Variants in TERT observed in about 807,000 individuals in gnomAD.
TERT encodes the protein telomerase reverse transcriptase.
In TERT, 42 loss-of-function variants were observed where a neutral mutation model predicts 104.0. That is an observed-to-expected ratio of 0.40 (90% CI 0.32 to 0.52). TERT has a LOEUF of 0.52. Among genes scored for constraint, TERT ranks in the 20% least tolerant of loss-of-function variants. The pLI is 0.43. For missense variants in TERT, 1,101 were observed against 1,610.3 expected (o/e 0.68, Z 5.41); for synonymous variants, 781 against 725.6 (o/e 1.08, Z -1.23).
Position 1,255,475 on chromosome 5 carries a change from G to A in TERT, c.3033-64C>T. The A allele has an allele frequency of 6.2e-7, 1 of 1,609,952 alleles. No individual in the cohort carries two copies. Among genetic ancestry groups the A allele is most frequent in the Non-Finnish European group, 8.5e-7 (1 of 1,177,768 alleles). Reference sequence around the variant, plus strand: ...TAATCAGACGGTGCTCGTGGGTGTGGGCATGGGCCCACCGGTGCCTGTGTG... The same window carrying A: ...TAATCAGACGGTGCTCGTGGGTGTGAGCATGGGCCCACCGGTGCCTGTGTG... On this transcript the variant is annotated intron_variant, in intron 13 of 15. Coordinates refer to ENST00000310581, the MANE Select transcript of TERT (RefSeq NM_198253.3). The surrounding 1 kb of genome is among the most constrained non-coding windows in gnomAD (Gnocchi z 6.9).
chr5:1,261,304 A>G lies in TERT; in HGVS notation c.2844-704T>C, dbSNP rs1748209731. 6.6e-6 allele frequency among the ~76,000 whole-genome samples: 1 copy of G among 152,232 alleles called. No homozygotes were observed. The highest frequency in any genetic ancestry group is 2.1e-4 in the South Asian group (1 of 4,836). On this transcript the variant is annotated intron_variant, in intron 11 of 15. Transcript: ENST00000310581. This position sits in a 1 kb window ranked among gnomAD's most constrained non-coding sequence, Gnocchi z 7.4. The stretch of plus-strand genomic sequence containing the variant: ...AACATTCTTCAAAAATTCTTTGAAA[A>G]ATGTTTAATGGCAGAGCAAGTTTTG...
rs990798398 is a variant in TERT, at chr5:1,257,037, G to A, written c.3032+1561C>T. Among the ~76,000 whole-genome samples the A allele has an allele frequency of 6.6e-6, 1 of 152,174 alleles. No individual in the cohort carries two copies. Among genetic ancestry groups the A allele is most frequent in the Non-Finnish European group, 1.5e-5 (1 of 68,026 alleles). On this transcript the variant is annotated intron_variant, in intron 13 of 15. Coordinates refer to ENST00000310581, the MANE Select transcript of TERT (RefSeq NM_198253.3). The surrounding 1 kb of genome is among the most constrained non-coding windows in gnomAD (Gnocchi z 5.6). Reference sequence around the variant, plus strand: ...CCGTTCTCCCACTCCTGCCTCGAGGGAAGGGGATTCCTGGGCCTTCCACGT... The same window carrying A: ...CCGTTCTCCCACTCCTGCCTCGAGGAAAGGGGATTCCTGGGCCTTCCACGT...
Position 1,293,524 on chromosome 5 carries a change from C to A in TERT, c.1362G>T (p.Gln454His). Reference protein sequence around the residue: ...DPRRLVQLLRQHSSPWQVYGF... With the variant: ...DPRRLVQLLRHHSSPWQVYGF... ...CGTACACCTGCCAGGGGCTGCTGTGCTGGCGGAGCAGCTGCACCAGGCGAC... is the reference window on the plus strand; with the variant it reads ...CGTACACCTGCCAGGGGCTGCTGTGATGGCGGAGCAGCTGCACCAGGCGAC... Residue 454 changes from glutamine (Q) to histidine (H), a missense_variant, in exon 2 of 16, where the codon CAG (glutamine) becomes CAT (histidine). Coordinates refer to ENST00000310581, the MANE Select transcript of TERT (RefSeq NM_198253.3). 1 of 1,562,510 alleles carries A rather than the reference C, an allele frequency of 6.4e-7. No individual in the cohort carries two copies. Among genetic ancestry groups the A allele is most frequent in the Admixed American group, 1.9e-5 (1 of 52,312 alleles).
At chr5:1,266,800 C>G (rs1748638045) in intron 9 of TERT, among the ~76,000 whole-genome samples, 1 of 152,220 alleles carries the variant, frequency 6.6e-6, no homozygotes, top group Non-Finnish European at 1.5e-5. Context: ...CGAAGGCCAT[C>G]AGGCGCGGCC....
intron 15 of TERT, 23 bp from the exon 16 acceptor site, chr5:1,253,854 C>T (rs756540614): frequency 8.8e-6 from 14 of 1,596,880 alleles, no homozygotes; most frequent in Middle Eastern, 1.7e-4. Context: ...AATCAGACTC[C>T]GTTCCAGAAG....
Position 1,278,829 on chromosome 5 carries a change from G to A in TERT, c.2131-33C>T, listed in dbSNP as rs376728112. The stretch of plus-strand genomic sequence containing the variant: ...AGTGGAGGCGAGGAGACTGACAGTG[G>A]CCACGCAGAAACTCAGACATCACCT... On this transcript the variant is annotated intron_variant, in intron 5 of 15. Transcript: ENST00000310581. The A allele has an allele frequency of 4.2e-5, 67 of 1,613,324 alleles. No individual in the cohort carries two copies. In the African/African-American group the frequency reaches 7.9e-4, roughly 19 times the overall value.
Position 1,268,493 on chromosome 5 carries a change from GC to G in TERT, c.2582+26del, listed in dbSNP as rs991990236. ...CAAAAGCAAATCAACCCCCACCCAA[GC>G]CCCCCTGGGGAAGAGGAGGCCTCAC... On this transcript the variant is annotated intron_variant, in intron 9 of 15. Coordinates refer to ENST00000310581, the MANE Select transcript of TERT (RefSeq NM_198253.3). The surrounding 1 kb of genome is among the most constrained non-coding windows in gnomAD (Gnocchi z 5.5). 6 of 1,577,944 alleles carry G rather than the reference GC, an allele frequency of 3.8e-6. No individual in the cohort carries two copies. Among genetic ancestry groups the G allele is most frequent in the African/African-American group, 1.3e-5 (1 of 74,206 alleles).
intron 6 of TERT, among the ~76,000 whole-genome samples, chr5:1,275,891 C>G (rs62332564): frequency 8.1e-6 from 1 of 123,908 alleles, no homozygotes; most frequent in Admixed American, 7.8e-5. Context: ...AGATCCCCAC[C>G]TACCCCACAC....
intron 7 of TERT, 143 bp downstream of exon 7, chr5:1,272,042 C>T (rs1316626931): frequency 1.3e-6 from 1 of 775,034 alleles, no homozygotes; most frequent in Non-Finnish European, 2.2e-6. Flanking sequence ...CCAAGGCACA[C>T]AGCTCATCAT....
At position 1,267,951 on chromosome 5, in the gene TERT, C is replaced by T. The variant is rs190110587; in HGVS notation, c.2582+569G>A. 6.5e-3 allele frequency among the ~76,000 whole-genome samples: 994 copies of T among 151,788 alleles called. 5 individuals are homozygous for T. Among genetic ancestry groups the T allele is most frequent in the Admixed American group, 0.01 (158 of 15,252 alleles). On this transcript the variant is annotated intron_variant, in intron 9 of 15. Transcript: ENST00000310581. ...ATACATATGTAACTAACCTGCACGTCGTGCACATGTACCCTAGAACTTAAA... is the reference window on the plus strand; with the variant it reads ...ATACATATGTAACTAACCTGCACGTTGTGCACATGTACCCTAGAACTTAAA...
chr5:1,287,317 C>T lies in TERT; in HGVS notation c.1574-4693G>A, dbSNP rs776714501. ...GAGTTTGAGACCAGCCTGGGCAACA[C>T]AGCAAGACCCTGTCTCCAGAAAAAA... On this transcript the variant is annotated intron_variant, in intron 2 of 15. Coordinates refer to ENST00000310581, the MANE Select transcript of TERT (RefSeq NM_198253.3). The surrounding 1 kb of genome is among the most constrained non-coding windows in gnomAD (Gnocchi z 4.3). Among the ~76,000 whole-genome samples the T allele has an allele frequency of 6.6e-6, 1 of 151,976 alleles. No homozygotes were observed. The highest frequency in any genetic ancestry group is 1.5e-5 in the Non-Finnish European group (1 of 67,978).
chr5:1,266,477 T>C lies in TERT; in HGVS notation c.2641A>G (p.Lys881Glu). Residue 881 changes from lysine (K) to glutamate (E), a missense_variant, in exon 10 of 16, where the codon AAA becomes GAA. Around this residue, in one of 5 missense-constraint regions of TERT, gnomAD observed 463 missense variants for 797.5 expected, o/e 0.58. Transcript: ENST00000310581. ...LLVTPHLTHA[K>E]TFLRTLVRGV... is the part of the protein sequence containing the mutation. The stretch of plus-strand genomic sequence containing the variant: ...CACGGGCCTCACCTGAGGAAGGTTT[T>C]CGCGTGGGTGAGGTGAGGTGTCACC... 1 of 1,609,450 alleles carries C rather than the reference T, an allele frequency of 6.2e-7. No homozygotes were observed. The highest frequency in any genetic ancestry group is 1.3e-5 in the African/African-American group (1 of 75,006).
Position 1,265,604 on chromosome 5 carries a change from C to T in TERT, c.2654+860G>A, listed in dbSNP as rs985724662. On this transcript the variant is annotated intron_variant, in intron 10 of 15. Coordinates refer to ENST00000310581, the MANE Select transcript of TERT (RefSeq NM_198253.3). The surrounding 1 kb of genome is among the most constrained non-coding windows in gnomAD (Gnocchi z 6.9). Reference sequence around the variant, plus strand: ...GCACAGCCTGCTGTGCTCCGGGCTGCGGCACAAGGAACGCCAGGCATACCC... The same window carrying T: ...GCACAGCCTGCTGTGCTCCGGGCTGTGGCACAAGGAACGCCAGGCATACCC... Among the ~76,000 whole-genome samples, 4 of 152,126 alleles carry T rather than the reference C, an allele frequency of 2.6e-5. No individual in the cohort carries two copies. Among genetic ancestry groups the T allele is most frequent in the South Asian group, 2.1e-4 (1 of 4,816 alleles).
At chr5:1,283,287 C>A (rs1335226761) in intron 2 of TERT, among the ~76,000 whole-genome samples, 11 of 131,726 alleles carry the variant, frequency 8.4e-5, no homozygotes, top group Non-Finnish European at 8.0e-5. Context: ...GGCCTGGCGA[C>A]CTCACGCCAG....
chr5:1,266,332 C>T (rs942609070), intron 10 of TERT, 132 bp downstream of exon 10: 61 of 905,748 alleles, frequency 6.7e-5, no homozygotes, highest in Non-Finnish European at 9.0e-5. Flanking sequence ...TCTGCTCTTG[C>T]GGATCCAGCA....
At chr5:1,258,802 G>A (rs966548088) in intron 12 of TERT, 143 bp from the exon 13 acceptor site, 9 of 820,726 alleles carry the variant, frequency 1.1e-5, no homozygotes, top group East Asian at 2.7e-5. Flanking sequence ...AGTGAAATCC[G>A]GCCTGGCCCT....
In TERT at chr5:1,257,265, G is replaced by T. The variant is rs1429040782; in HGVS notation, c.3032+1333C>A. 6.6e-6 allele frequency among the ~76,000 whole-genome samples: 1 copy of T among 152,108 alleles called. No homozygotes were observed. The highest frequency in any genetic ancestry group is 1.5e-5 in the Non-Finnish European group (1 of 68,006). On this transcript the variant is annotated intron_variant, in intron 13 of 15. Transcript: ENST00000310581. This position sits in a 1 kb window ranked among gnomAD's most constrained non-coding sequence, Gnocchi z 5.6. ...GGACAAGACTGAGCTGAATATGGGAGGAGCAGGTGGCAGGTCACATGGCCC... is the reference window on the plus strand; with the variant it reads ...GGACAAGACTGAGCTGAATATGGGATGAGCAGGTGGCAGGTCACATGGCCC...
In TERT at chr5:1,289,436, TACAC is replaced by T. The variant is rs1750724091; in HGVS notation, c.1573+3873_1573+3876del. 1.1e-4 allele frequency among the ~76,000 whole-genome samples: 12 copies of T among 104,850 alleles called. 1 individual carries two copies. The highest frequency in any genetic ancestry group is 4.6e-4 in the Admixed American group (5 of 10,938). 68.8% of individuals were successfully genotyped at this position (104,850 alleles called of 152,430 possible). On this transcript the variant is annotated intron_variant, in intron 2 of 15. Transcript: ENST00000310581. ...CCCGGGGACGGCGCCTCACTCACCC[TACAC>T]GTGACAGGGACACCCGGGGACGGCG...
chr5:1,279,024 G>T (rs1386175359), intron 5 of TERT, among the ~76,000 whole-genome samples: 7 of 152,238 alleles, frequency 4.6e-5, no homozygotes, highest in Admixed American at 4.6e-4. Flanking sequence ...AGCCGTTGCG[G>T]TTCCTTCTCT....
Sources: allele counts gnomAD v4.1 joint callset (sites outside exome capture counted in the v4.1 genomes callset), GRCh38; gene constraint gnomAD v4.1.1; regional missense constraint gnomAD v4.1.1; non-coding constraint Gnocchi (gnomAD v3.1); transcripts MANE v1.5; gene names NCBI Gene and HGNC (gene_info 2026-07-23, HGNC 2026-07-21).